FSTL4: variants seen among roughly 807,000 people sequenced by gnomAD.
The protein encoded by FSTL4 is follistatin-related protein 4.
Under a neutral mutation model 78.2 loss-of-function variants are expected in FSTL4, and 28 were observed. The ratio of observed to expected loss-of-function variants is 0.36; its 90% CI spans 0.27 to 0.49. The LOEUF (loss-of-function observed/expected upper bound fraction) is 0.49, where lower values mean the gene tolerates loss of function less well. Among genes scored for constraint, FSTL4 ranks in the 20% least tolerant of loss-of-function variants. The pLI is 0.98. For missense variants in FSTL4, 922 were observed against 1,084.9 expected (o/e 0.85, Z 2.11); for synonymous variants, 422 against 440.5 (o/e 0.96, Z 0.53).
rs1754520155 is a variant in FSTL4, at chr5:133,338,614, CTT to C, written c.410-21964_410-21963del. ...TCCAGCCCAGTATCCACTATCCTCT[CTT>C]GAGCTCCTGATGTCCCACCCCACTG... On this transcript the variant is annotated intron_variant, in intron 4 of 15. Transcript: ENST00000265342. The surrounding 1 kb of genome is among the most constrained non-coding windows in gnomAD (Gnocchi z 4.0). Among the ~76,000 whole-genome samples the C allele has an allele frequency of 6.6e-6, 1 of 152,128 alleles. No homozygotes were observed. Among genetic ancestry groups the C allele is most frequent in the African/African-American group, 2.4e-5 (1 of 41,410 alleles).
chr5:133,608,388 T>C (rs1034851930), intron 1 of FSTL4, among the ~76,000 whole-genome samples: 2 of 152,124 alleles, frequency 1.3e-5, no homozygotes, highest in African/African-American at 4.8e-5. Flanking sequence ...CAACAGACAT[T>C]CCCCCAGTCA....
At chr5:133,750,347 G>T in the FSTL4 span, among the ~76,000 whole-genome samples, 1 of 152,178 alleles carries the variant, frequency 6.6e-6, no homozygotes, top group Admixed American at 6.5e-5. Context: ...GTGCTTTTTG[G>T]AGAATCACTG....
intron 3 of FSTL4, among the ~76,000 whole-genome samples, chr5:133,407,497 T>TCCAATCC (rs1372101804): frequency 2.0e-5 from 3 of 152,150 alleles, no homozygotes; most frequent in Admixed American, 6.5e-5. Flanking sequence ...ATCCCAAAGC[T>TCCAATCC]CAACAGAAAC....
chr5:133,639,645 C>T, the FSTL4 span, among the ~76,000 whole-genome samples: 2 of 152,216 alleles, frequency 1.3e-5, no homozygotes, highest in East Asian at 3.9e-4. Flanking sequence ...CTCGGGCCAT[C>T]TGTGGAAGCC....
chr5:133,813,734 G>A, the FSTL4 span, among the ~76,000 whole-genome samples: 1 of 152,114 alleles, frequency 6.6e-6, no homozygotes, highest in Non-Finnish European at 1.5e-5. Flanking sequence ...GCCCTTCCCT[G>A]CCAAAAAACA....
the FSTL4 span, among the ~76,000 whole-genome samples, chr5:133,705,865 A>ACACG: frequency 1.5e-5 from 2 of 133,040 alleles, no homozygotes; most frequent in Non-Finnish European, 3.1e-5. Flanking sequence ...GCGCACACAC[A>ACACG]CACGCACACA....
At chr5:133,535,859 T>C (rs1449471872) in intron 3 of FSTL4, among the ~76,000 whole-genome samples, 3 of 152,204 alleles carry the variant, frequency 2.0e-5, no homozygotes, top group East Asian at 3.8e-4. Flanking sequence ...CTGAAGGAAG[T>C]GAAGAGGAAG....
intron 3 of FSTL4, among the ~76,000 whole-genome samples, chr5:133,434,211 T>A (rs1489577279): frequency 1.3e-5 from 2 of 152,056 alleles, no homozygotes; most frequent in Non-Finnish European, 2.9e-5. Flanking sequence ...CAAGGTGCGC[T>A]TTGGAAGTAG....
the FSTL4 span, among the ~76,000 whole-genome samples, chr5:133,623,954 T>A: frequency 3.3e-5 from 5 of 151,900 alleles, no homozygotes. Flanking sequence ...TAAAGGAAAA[T>A]AACAAGTGTT....
At chr5:133,366,586 C>T (rs538546211) in intron 4 of FSTL4, among the ~76,000 whole-genome samples, 1 of 152,166 alleles carries the variant, frequency 6.6e-6, no homozygotes, top group South Asian at 2.1e-4. Flanking sequence ...AAACTTTCTT[C>T]TGCCTGCTTC....
chr5:133,787,181 T>C, the FSTL4 span, among the ~76,000 whole-genome samples: 2 of 152,330 alleles, frequency 1.3e-5, no homozygotes, highest in South Asian at 4.1e-4. Context: ...CACCCTGTTG[T>C]GTGGGCAATA....
the FSTL4 span, among the ~76,000 whole-genome samples, chr5:133,828,364 A>G: frequency 6.6e-6 from 1 of 152,150 alleles, no homozygotes; most frequent in Non-Finnish European, 1.5e-5. Flanking sequence ...ACAATGCTTC[A>G]CCCTCAGTGA....
rs1438670525 is a variant in FSTL4, at chr5:133,236,682, AC to A, written c.895-3146del. 6.6e-6 allele frequency among the ~76,000 whole-genome samples: 1 copy of A among 151,718 alleles called. No homozygotes were observed. Among genetic ancestry groups the A allele is most frequent in the Non-Finnish European group, 1.5e-5 (1 of 67,900 alleles). Reference sequence around the variant, plus strand: ...TTTGCTGGGGGCCAGCCCCTCTCAGACCCTACTGCCTCGCACACTCCCCTTG... The same window carrying A: ...TTTGCTGGGGGCCAGCCCCTCTCAGACCTACTGCCTCGCACACTCCCCTTG... On this transcript the variant is annotated intron_variant, in intron 7 of 15. Coordinates refer to ENST00000265342, the MANE Select transcript of FSTL4 (RefSeq NM_015082.2). The surrounding 1 kb of genome is among the most constrained non-coding windows in gnomAD (Gnocchi z 5.0).
At chr5:133,790,348 G>A in the FSTL4 span, among the ~76,000 whole-genome samples, 2 of 152,152 alleles carry the variant, frequency 1.3e-5, 1 homozygote, top group African/African-American at 4.8e-5. Context: ...TCTACAACAT[G>A]GGGAAAATAA....
At chr5:133,635,831 G>A in the FSTL4 span, among the ~76,000 whole-genome samples, 2 of 152,328 alleles carry the variant, frequency 1.3e-5, no homozygotes, top group African/African-American at 4.8e-5. Flanking sequence ...AAAACAAAGA[G>A]TGAAAATATC....
At chr5:133,385,976 AC>A (rs1755692037) in intron 4 of FSTL4, among the ~76,000 whole-genome samples, 1 of 152,160 alleles carries the variant, frequency 6.6e-6, no homozygotes, top group South Asian at 2.1e-4. Context: ...GGCAGAGCAG[AC>A]AGAGCAAAGA....
chr5:133,707,601 C>A, the FSTL4 span, among the ~76,000 whole-genome samples: 1 of 152,116 alleles, frequency 6.6e-6, no homozygotes, highest in African/African-American at 2.4e-5. Flanking sequence ...TTCCATTAGC[C>A]CTGAGAAAGC....
At chr5:133,687,446 A>T in the FSTL4 span, among the ~76,000 whole-genome samples, 1 of 152,134 alleles carries the variant, frequency 6.6e-6, no homozygotes, top group Non-Finnish European at 1.5e-5. Flanking sequence ...TCAATCCCGC[A>T]AGAGGTGATA....
chr5:133,809,190 A>T, the FSTL4 span, among the ~76,000 whole-genome samples: 7 of 151,702 alleles, frequency 4.6e-5, no homozygotes, highest in Non-Finnish European at 5.9e-5. Context: ...ACATGGTGAA[A>T]CCCCATCTCT....
Sources: gnomAD v4.1 joint callset for allele counts (sites outside exome capture counted in the v4.1 genomes callset) on GRCh38, gnomAD v4.1.1 for gene constraint, Gnocchi (gnomAD v3.1) non-coding constraint, MANE v1.5 for transcripts, NCBI Gene and HGNC (gene_info 2026-07-23, HGNC 2026-07-21) for gene names.